Variants in ADAMTS19 observed in about 807,000 individuals in gnomAD.
ADAMTS19 encodes the protein A disintegrin and metalloproteinase with thrombospondin motifs 19.
Under a neutral mutation model 153.3 loss-of-function variants are expected in ADAMTS19, and 93 were observed. The observed-to-expected ratio is 0.61, with a 90% CI of 0.51 to 0.72. The LOEUF is 0.72. Among genes scored for constraint, ADAMTS19 ranks in the 30% least tolerant of loss-of-function variants. The pLI is 0.00. For synonymous variants in ADAMTS19, 600 were observed against 556.6 expected, an observed-to-expected ratio of 1.08 and a Z score of -1.10; for missense variants, 1,482 against 1,552.1, an observed-to-expected ratio of 0.95 and a Z score of 0.76.
intron 8 of ADAMTS19, among the ~76,000 whole-genome samples, chr5:129,605,597 A>G (rs1005168483): frequency 2.6e-5 from 4 of 152,156 alleles, no homozygotes; most frequent in African/African-American, 9.7e-5. Flanking sequence ...TTTATTCATA[A>G]AACTTCAAAA....
At chr5:129,520,554 C>T (rs55633622) in intron 3 of ADAMTS19, among the ~76,000 whole-genome samples, 7,604 of 152,038 alleles carry the variant, frequency 0.05, 252 homozygotes, top group African/African-American at 0.092. Context: ...TTTGTAAACA[C>T]CTTGAGGAAG....
At chr5:129,596,205 A>G (rs916020390) in intron 7 of ADAMTS19, among the ~76,000 whole-genome samples, 13 of 152,086 alleles carry the variant, frequency 8.5e-5, no homozygotes, top group Admixed American at 7.9e-4. Flanking sequence ...GAGTATATTT[A>G]AAATAATCAT....
intron 15 of ADAMTS19, among the ~76,000 whole-genome samples, chr5:129,663,037 G>T (rs1416967916): frequency 1.3e-5 from 2 of 151,896 alleles, no homozygotes; most frequent in African/African-American, 4.8e-5. Context: ...TGGGACTACA[G>T]GCATGTGCCA....
chr5:129,532,498 A>T (rs1372296999), intron 6 of ADAMTS19, among the ~76,000 whole-genome samples: 1 of 152,194 alleles, frequency 6.6e-6, no homozygotes, highest in East Asian at 1.9e-4. Context: ...TGGTGGGATT[A>T]TAAAATGGTT....
intron 4 of ADAMTS19, among the ~76,000 whole-genome samples, chr5:129,526,753 C>T (rs1352743378): frequency 1.3e-5 from 2 of 151,506 alleles, no homozygotes; most frequent in Non-Finnish European, 3.0e-5. Context: ...ATGTTTCTAG[C>T]CCCATTTTAT....
In ADAMTS19 at chr5:129,526,209, C is replaced by T. The variant is rs1253320521; in HGVS notation, c.914-75C>T. 6 of 1,277,882 alleles carry T rather than the reference C, an allele frequency of 4.7e-6. No homozygotes were observed. In the African/African-American group the frequency reaches 4.7e-5, roughly 10 times the overall value. The allele number at this position is 1,277,882 out of a possible 1,614,324, so 79.2% of individuals were successfully genotyped here. ...TGTCGGGAACTTATTTGGGTTTGCT[C>T]ATTATTAAATATGTTTAATATTATT... On this transcript the variant is annotated intron_variant, in intron 3 of 22. Transcript: ENST00000274487.
At chr5:129,726,138 G>A (rs574620189) in intron 21 of ADAMTS19, among the ~76,000 whole-genome samples, 32 of 152,134 alleles carry the variant, frequency 2.1e-4, no homozygotes, top group Middle Eastern at 6.8e-3. Context: ...GATTGCTTTC[G>A]TTTTACTCTA....
rs76910288 is a variant in ADAMTS19 at position 129,520,674 on chromosome 5, G to T, written c.914-5610G>T. Reference sequence around the variant, plus strand: ...CCACCAGATATTTTGCTATCCAGTTGTATGTATTTGGACGAGTCATTTCTC... The same window carrying T: ...CCACCAGATATTTTGCTATCCAGTTTTATGTATTTGGACGAGTCATTTCTC... On this transcript the variant is annotated intron_variant, in intron 3 of 22. Transcript: ENST00000274487. Among the ~76,000 whole-genome samples, 694 of 152,224 alleles carry T rather than the reference G, an allele frequency of 4.6e-3. 7 individuals are homozygous for T. Among genetic ancestry groups the T allele is most frequent in the African/African-American group, 0.016 (647 of 41,548 alleles).
At chr5:129,708,391 A>T (rs552336260) in intron 21 of ADAMTS19, among the ~76,000 whole-genome samples, 3 of 152,248 alleles carry the variant, frequency 2.0e-5, no homozygotes, top group African/African-American at 7.2e-5. Context: ...AGAAAAGAAC[A>T]TTACACACAT....
chr5:129,537,464 GAC>G (rs1752485731), intron 6 of ADAMTS19, among the ~76,000 whole-genome samples: 2 of 152,112 alleles, frequency 1.3e-5, no homozygotes, highest in African/African-American at 4.8e-5. Flanking sequence ...CTGCTATAAA[GAC>G]ACATGCACAC....
intron 7 of ADAMTS19, among the ~76,000 whole-genome samples, chr5:129,582,772 A>T (rs1749584705): frequency 6.7e-6 from 1 of 148,792 alleles, no homozygotes; most frequent in African/African-American, 2.5e-5. Context: ...TTAGTAGACC[A>T]TGTTAGCCAG....
intron 13 of ADAMTS19, among the ~76,000 whole-genome samples, chr5:129,650,043 G>C (rs1753246537): frequency 1.3e-5 from 2 of 152,134 alleles, no homozygotes; most frequent in African/African-American, 4.8e-5. Context: ...AATTAGCTGG[G>C]TGTTGTGGCA....
chr5:129,503,524 C>T (rs541043277), intron 2 of ADAMTS19, among the ~76,000 whole-genome samples: 2 of 152,188 alleles, frequency 1.3e-5, no homozygotes, highest in South Asian at 2.1e-4. Flanking sequence ...TAAACTATAA[C>T]CTTATGAGAA....
At chr5:129,612,719 C>T (rs1751293191) in intron 8 of ADAMTS19, among the ~76,000 whole-genome samples, 1 of 152,088 alleles carries the variant, frequency 6.6e-6, no homozygotes, top group Middle Eastern at 3.2e-3. Flanking sequence ...GGGCTAAATG[C>T]TCCAATTAAA....
At chr5:129,545,829 G>C (rs1187724739) in intron 6 of ADAMTS19, among the ~76,000 whole-genome samples, 1 of 150,496 alleles carries the variant, frequency 6.6e-6, no homozygotes, top group Non-Finnish European at 1.5e-5. Context: ...TCAGTGTGGC[G>C]ATTCCTCAGG....
intron 7 of ADAMTS19, among the ~76,000 whole-genome samples, chr5:129,593,982 C>T (rs1054138305): frequency 1.3e-5 from 2 of 152,146 alleles, no homozygotes; most frequent in Non-Finnish European, 2.9e-5. Flanking sequence ...CCTCCTTCTT[C>T]ACTCAGACAT....
chr5:129,498,391 T>C (rs918906684), intron 2 of ADAMTS19, among the ~76,000 whole-genome samples: 4 of 152,112 alleles, frequency 2.6e-5, no homozygotes, highest in Non-Finnish European at 5.9e-5. Context: ...TACTAAGTAT[T>C]CTAGCTATAT....
intron 2 of ADAMTS19, among the ~76,000 whole-genome samples, chr5:129,496,525 T>G (rs920008322): frequency 1.3e-5 from 2 of 152,060 alleles, no homozygotes; most frequent in African/African-American, 4.8e-5. Flanking sequence ...CTTGTTTCCA[T>G]GGTAAAATGA....
At chr5:129,622,480 A>C (rs1751824780) in intron 10 of ADAMTS19, 132 bp downstream of exon 10, 1 of 1,062,970 alleles carries the variant, frequency 9.4e-7, no homozygotes, top group African/African-American at 1.6e-5. Context: ...TTTTCTAAGA[A>C]AAGGTTTGTG....
Sources: allele counts gnomAD v4.1 joint callset (sites outside exome capture counted in the v4.1 genomes callset), GRCh38; gene constraint gnomAD v4.1.1; transcripts MANE v1.5; gene names NCBI Gene and HGNC (gene_info 2026-07-23, HGNC 2026-07-21).